KIF20A: variants seen among roughly 807,000 people sequenced by gnomAD.
KIF20A encodes kinesin-like protein KIF20A.
Under a neutral mutation model 113.0 loss-of-function variants are expected in KIF20A, and 66 were observed. The observed-to-expected ratio is 0.58, with a 90% CI of 0.48 to 0.72. KIF20A has a LOEUF of 0.72. KIF20A is among the 30% of genes least tolerant of loss of function. The pLI is 0.00. For synonymous variants in KIF20A, 376 were observed against 402.3 expected (o/e 0.93, Z 0.78); for missense variants, 927 against 1,077.6 (o/e 0.86, Z 1.96).
At chr5:138,181,275 A>G in intron 2 of KIF20A, 147 bp from the exon 3 acceptor site, 1 of 694,330 alleles carries the variant, frequency 1.4e-6, no homozygotes, top group African/African-American at 1.8e-5. Flanking sequence ...GGTTGGAATG[A>G]TTGTGGAACC....
In KIF20A at chr5:138,181,649, A is replaced by T. The variant is rs1754663188; in HGVS notation, c.296A>T (p.Gln99Leu). Residue 99 changes from glutamine to leucine, a missense_variant, in exon 4 of 19, where the codon CAA (glutamine) becomes CTA (leucine). Physicochemically the swap from Gln to Leu is moderately radical, Grantham distance 113. Coordinates refer to ENST00000394894, the MANE Select transcript of KIF20A (RefSeq NM_005733.3). ...GAGAATGTGGAGACCCTTGTTCTAC[A>T]AGCACCCAAGGACTCTTTTGCCCTG... ...RIENVETLVL[Q>L]APKDSFALKS... 1 of 1,614,070 alleles carries T rather than the reference A, an allele frequency of 6.2e-7. No homozygotes were observed. The highest frequency in any genetic ancestry group is 8.5e-7 in the Non-Finnish European group (1 of 1,180,028).
intron 4 of KIF20A, 87 bp downstream of exon 4, chr5:138,181,815 C>T (rs12517918): frequency 0.036 from 54,940 of 1,507,722 alleles, 1,578 homozygotes; most frequent in Admixed American, 0.15. Context: ...CTCTTCCTGA[C>T]TGTGAGTTCC....
Position 138,182,366 on chromosome 5 carries a change from C to G in KIF20A, c.419C>G (p.Thr140Ser), listed in dbSNP as rs778885688. 13 of 1,614,036 alleles carry G rather than the reference C, an allele frequency of 8.1e-6. No individual in the cohort carries two copies. The South Asian group carries it at 1.4e-4, about 18-fold the overall frequency. The change falls in exon 5 of 19, where the codon ACT becomes AGT. Residue 140 changes from threonine (T) to serine (S), a missense_variant. Thr to Ser is a moderately conservative substitution (Grantham distance 58, BLOSUM62 1). Coordinates refer to ENST00000394894, the MANE Select transcript of KIF20A (RefSeq NM_005733.3). ...GGACAGGCATCCTTCTTCAACCTAA[C>G]TGTGAAGGAGATGGTAAAGGATGTA... ...EVGQASFFNL[T>S]VKEMVKDVLK...
At chr5:138,182,192 G>A in intron 4 of KIF20A, 131 bp from the exon 5 acceptor site, 1 of 936,378 alleles carries the variant, frequency 1.1e-6, no homozygotes, top group Middle Eastern at 3.4e-4. Context: ...ACAGCCAGCA[G>A]CATTGCAGGA....
intron 2 of KIF20A, 141 bp from the exon 3 acceptor site, chr5:138,181,281 G>A: frequency 1.4e-6 from 1 of 707,108 alleles, no homozygotes; most frequent in Non-Finnish European, 2.5e-6. Flanking sequence ...AATGATTGTG[G>A]AACCAAAGAG....
intron 5 of KIF20A, 39 bp from the exon 6 acceptor site, chr5:138,182,547 G>C: frequency 6.2e-7 from 1 of 1,613,226 alleles, no homozygotes; most frequent in Non-Finnish European, 8.5e-7. Context: ...GGGGGAGAAG[G>C]GCACTTGCCT....
rs965298650 is a variant in KIF20A, at chr5:138,179,592, C to A, written c.-21-68C>A. On this transcript the variant is annotated intron_variant, in intron 1 of 18. Transcript: ENST00000394894. Reference sequence around the variant, plus strand: ...GTGTCCTGGGGCAAGGGACTTATTACCTAAAATTCGCGGCCCCTTCTGTCC... The same window carrying A: ...GTGTCCTGGGGCAAGGGACTTATTAACTAAAATTCGCGGCCCCTTCTGTCC... The A allele has an allele frequency of 7.6e-6, 10 of 1,315,440 alleles. No individual in the cohort carries two copies. In the Admixed American group the frequency reaches 1.6e-4, roughly 21 times the overall value. The allele number at this position is 1,315,440 out of a possible 1,614,324, so 81.5% of individuals were successfully genotyped here.
intron 18 of KIF20A, 113 bp downstream of exon 18, chr5:138,186,544 T>G: frequency 8.6e-7 from 1 of 1,157,620 alleles, no homozygotes; most frequent in Non-Finnish European, 1.2e-6. Flanking sequence ...GAATTTATAG[T>G]GAGAGCAGTA....
At position 138,184,614 on chromosome 5, in the gene KIF20A, G is replaced by C; in HGVS notation, c.1621G>C (p.Ala541Pro). Reference protein sequence around the residue: ...VSPSLEKGAKADTGLDDDIEN... With the variant: ...VSPSLEKGAKPDTGLDDDIEN... ...CCCCAGCTTAGAGAAAGGGGCTAAG[G>C]CAGACACAGGCCTTGATGATGATAT... The change falls in exon 13 of 19, where the codon GCA (alanine) becomes CCA (proline). Residue 541 changes from alanine to proline, a missense_variant. Ala to Pro is a conservative substitution (Grantham distance 27). Transcript: ENST00000394894. 1 of 1,614,142 alleles carries C rather than the reference G, an allele frequency of 6.2e-7. No individual in the cohort carries two copies. The highest frequency in any genetic ancestry group is 8.5e-7 in the Non-Finnish European group (1 of 1,179,998).
Position 138,183,041 on chromosome 5 carries a change from G to T in KIF20A, c.832+51G>T. 6.2e-7 allele frequency: 1 copy of T among 1,612,066 alleles called. No individual in the cohort carries two copies. Among genetic ancestry groups the T allele is most frequent in the Non-Finnish European group, 8.5e-7 (1 of 1,178,776 alleles). Reference sequence around the variant, plus strand: ...AAAAAATAGTAGGAACTCACTCCCTGTTCCTAATAGCTGCCAGGAGTACAG... The same window carrying T: ...AAAAAATAGTAGGAACTCACTCCCTTTTCCTAATAGCTGCCAGGAGTACAG... On this transcript the variant is annotated intron_variant, in intron 7 of 18. Coordinates refer to ENST00000394894, the MANE Select transcript of KIF20A (RefSeq NM_005733.3). The surrounding 1 kb of genome is among the most constrained non-coding windows in gnomAD (Gnocchi z 5.2).
rs1754708848 is a variant in KIF20A, at chr5:138,184,327, A to C, written c.1441A>C (p.Ile481Leu). 6.2e-7 allele frequency: 1 copy of C among 1,614,092 alleles called. No homozygotes were observed. ...FFTGRGRSCM[I>L]VNVNPCASTY... ...CACAGGCCGAGGCCGTTCCTGCATG[A>C]TTGTCAATGTGAATCCCTGTGCATC... Residue 481 changes from isoleucine to leucine, a missense_variant, in exon 12 of 19, where the codon ATT becomes CTT. By Grantham distance (5) the Ile-to-Leu change is conservative. Transcript: ENST00000394894.
In KIF20A at chr5:138,186,016, C is replaced by G. The variant is rs766770538; in HGVS notation, c.2181C>G (p.Thr727=). The G allele has an allele frequency of 6.2e-6, 10 of 1,614,054 alleles. No homozygotes were observed. Among genetic ancestry groups the G allele is most frequent in the Non-Finnish European group, 8.5e-6 (10 of 1,179,990 alleles). ...CACCACCCTCAGCCAAGCCCTTCAC[C>G]ATTGATGTGGACAAGAAGTTAGAAG... ...LEPPPSAKPF[T]IDVDKKLEEG... The change falls in exon 17 of 19, where the codon ACC becomes ACG. Residue 727 remains threonine (T), a synonymous_variant. Coordinates refer to ENST00000394894, the MANE Select transcript of KIF20A (RefSeq NM_005733.3).
At position 138,183,128 on chromosome 5, in the gene KIF20A, C is replaced by A. The variant is rs750952009; in HGVS notation, c.833-41C>A. On this transcript the variant is annotated intron_variant, in intron 7 of 18. Coordinates refer to ENST00000394894, the MANE Select transcript of KIF20A (RefSeq NM_005733.3). This position sits in a 1 kb window ranked among gnomAD's most constrained non-coding sequence, Gnocchi z 5.2. ...CCCTGCAGGCCAAAAGAGAGGTGAA[C>A]TGCTCTAGGTTGATGCCCTATACAT... The A allele has an allele frequency of 2.5e-6, 4 of 1,606,408 alleles. No individual in the cohort carries two copies. In the South Asian group the frequency reaches 3.3e-5, roughly 13 times the overall value.
In KIF20A at chr5:138,183,237, A is replaced by C; in HGVS notation, c.901A>C (p.Ile301Leu). Residue 301 changes from isoleucine (I) to leucine (L), a missense_variant, in exon 8 of 19, where the codon ATC becomes CTC. Coordinates refer to ENST00000394894, the MANE Select transcript of KIF20A (RefSeq NM_005733.3). This position sits in a 1 kb window ranked among gnomAD's most constrained non-coding sequence, Gnocchi z 5.2. ...LPVPANIRFS[I>L]WISFFEIYNE... The stretch of plus-strand genomic sequence containing the variant: ...TGTCCCGGCAAACATTCGCTTCTCC[A>C]TCTGGATCTCATTCTTTGAGATCTA... 2 of 1,614,214 alleles carry C rather than the reference A, an allele frequency of 1.2e-6. No individual in the cohort carries two copies. The highest frequency in any genetic ancestry group is 1.7e-6 in the Non-Finnish European group (2 of 1,180,036).
rs1491354412 is a variant in KIF20A at position 138,184,041 on chromosome 5, A to AT, written c.1290dup (p.Asn431Ter). 7 of 1,614,152 alleles carry AT rather than the reference A, an allele frequency of 4.3e-6. No homozygotes were observed. Among genetic ancestry groups the AT allele is most frequent in the Non-Finnish European group, 5.9e-6 (7 of 1,180,032 alleles). The stretch of plus-strand genomic sequence containing the variant: ...TGAACGGTTGAAGGAAGCAGGAAAC[A>AT]TTAACACCTCTCTACACACCCTGGG... On this transcript the variant is annotated frameshift_variant, in exon 11 of 19. Coordinates refer to ENST00000394894, the MANE Select transcript of KIF20A (RefSeq NM_005733.3). LOFTEE classifies it high-confidence loss of function.
Position 138,184,082 on chromosome 5 carries a change from C to T in KIF20A, c.1329C>T (p.Ala443=). 1 of 1,614,160 alleles carries T rather than the reference C, an allele frequency of 6.2e-7. No homozygotes were observed. Among genetic ancestry groups the T allele is most frequent in the East Asian group, 2.2e-5 (1 of 44,886 alleles). ...ACACCCTGGGCCGCTGTATTGCTGC[C>T]CTTCGTCAAAACCAGCAGAACCGGT... ...SLHTLGRCIA[A]LRQNQQNRSK... is the part of the protein sequence containing the mutation. Residue 443 remains alanine, a synonymous_variant, in exon 11 of 19, where the codon GCC becomes GCT. Coordinates refer to ENST00000394894, the MANE Select transcript of KIF20A (RefSeq NM_005733.3).
At position 138,184,823 on chromosome 5, in the gene KIF20A, T is replaced by C; in HGVS notation, c.1700T>C (p.Val567Ala). 6.2e-7 allele frequency: 1 copy of C among 1,614,086 alleles called. No individual in the cohort carries two copies. Among genetic ancestry groups the C allele is most frequent in the East Asian group, 2.2e-5 (1 of 44,886 alleles). The part of the protein sequence containing the change: ...MYGKEELLQV[V>A]EAMKTLLLKE... ...CTCTCCTAGGAGCTCCTACAAGTTG[T>C]GGAAGCCATGAAGACACTGCTTTTG... The change falls in exon 14 of 19, where the codon GTG becomes GCG. Residue 567 changes from valine (V) to alanine (A), a missense_variant. Coordinates refer to ENST00000394894, the MANE Select transcript of KIF20A (RefSeq NM_005733.3).
Position 138,183,985 on chromosome 5 carries a change from G to C in KIF20A, c.1232G>C (p.Gly411Ala), listed in dbSNP as rs771158623. ...ISELSLCDLA[G>A]SERCKDQKSG... ...AGGCTGTCACTCTGTGATCTGGCTG[G>C]CTCAGAGCGCTGCAAAGATCAGAAG... Residue 411 changes from glycine (G) to alanine (A), a missense_variant, in exon 11 of 19, where the codon GGC becomes GCC. Transcript: ENST00000394894. This position sits in a 1 kb window ranked among gnomAD's most constrained non-coding sequence, Gnocchi z 5.2. 2 of 1,614,050 alleles carry C rather than the reference G, an allele frequency of 1.2e-6. No individual in the cohort carries two copies.
In KIF20A at chr5:138,182,947, G is replaced by A. The variant is rs756486916; in HGVS notation, c.789G>A (p.Gly263=). 1.2e-5 allele frequency: 19 copies of A among 1,614,072 alleles called. No individual in the cohort carries two copies. The highest frequency in any genetic ancestry group is 6.7e-5 in the African/African-American group (5 of 74,930). ...TSTSFDSGIA[G]LSSISQCTSS... is the part of the protein sequence containing the mutation. ...CCAGCTTCGACAGTGGCATTGCTGG[G>A]CTCTCTTCTATCAGTCAGTGTACCA... Residue 263 remains glycine (G), a synonymous_variant, in exon 7 of 19, where the codon GGG becomes GGA. Coordinates refer to ENST00000394894, the MANE Select transcript of KIF20A (RefSeq NM_005733.3).
Sources: gnomAD v4.1 joint callset for allele counts on GRCh38, gnomAD v4.1.1 for gene constraint, Gnocchi (gnomAD v3.1) non-coding constraint, MANE v1.5 for transcripts, NCBI Gene and HGNC (gene_info 2026-07-23, HGNC 2026-07-21) for gene names.